Variants in MAP3K5 observed in about 807,000 individuals in gnomAD.
MAP3K5 encodes the protein ASK-1.
In MAP3K5, 56 loss-of-function variants were observed where a neutral mutation model predicts 158.7. The ratio of observed to expected loss-of-function variants is 0.35; its 90% CI spans 0.28 to 0.44. MAP3K5 has a LOEUF of 0.44. MAP3K5 is among the 20% of genes least tolerant of loss of function. The pLI, the probability that MAP3K5 is intolerant of heterozygous loss-of-function variation, is 1.00. For synonymous variants in MAP3K5, 579 were observed against 601.7 expected (o/e 0.96, Z 0.55); for missense variants, 1,294 against 1,674.8 (o/e 0.77, Z 3.97).
chr6:136,622,726 G>A (rs1776863456), intron 15 of MAP3K5, 122 bp downstream of exon 15: 2 of 1,053,026 alleles, frequency 1.9e-6, no homozygotes, highest in Non-Finnish European at 1.4e-6. Context: ...CTCAGAAGGA[G>A]CTAATTCACA....
chr6:136,749,175 C>A (rs1012170964), intron 1 of MAP3K5, among the ~76,000 whole-genome samples: 1 of 152,030 alleles, frequency 6.6e-6, no homozygotes, highest in African/African-American at 2.4e-5. Flanking sequence ...GAGTTCGAGA[C>A]CAGCCTGGCC....
At chr6:136,647,919 A>G (rs1230630614) in intron 11 of MAP3K5, 1 of 152,318 alleles carries the variant, frequency 6.6e-6, no homozygotes, top group East Asian at 1.9e-4. Context: ...CCCAAAGTCC[A>G]CAGAACTCAA....
At chr6:136,644,986 T>TG (rs1778177879) in intron 11 of MAP3K5, among the ~76,000 whole-genome samples, 1 of 152,084 alleles carries the variant, frequency 6.6e-6, no homozygotes, top group Non-Finnish European at 1.5e-5. Flanking sequence ...TGGAGTGTAG[T>TG]GGGGTAATCA....
At chr6:136,600,917 C>CA in intron 21 of MAP3K5, 105 bp downstream of exon 21, 1 of 1,182,014 alleles carries the variant, frequency 8.5e-7, no homozygotes. Flanking sequence ...CCTTTCCCCC[C>CA]ATGTAAGCCA....
chr6:136,715,848 T>G (rs772178680), intron 2 of MAP3K5, among the ~76,000 whole-genome samples: 1 of 151,624 alleles, frequency 6.6e-6, no homozygotes, highest in Admixed American at 6.6e-5. Flanking sequence ...CTGGCCAACA[T>G]GGCGAAACCC....
At chr6:136,595,347 C>T (rs569804499) in intron 21 of MAP3K5, among the ~76,000 whole-genome samples, 1 of 152,294 alleles carries the variant, frequency 6.6e-6, no homozygotes, top group African/African-American at 2.4e-5. Context: ...TCAAGTAATC[C>T]ACCTGCTTCG....
intron 1 of MAP3K5, among the ~76,000 whole-genome samples, chr6:136,788,255 T>C (rs1784927497): frequency 2.6e-5 from 4 of 152,216 alleles, no homozygotes; most frequent in Admixed American, 2.6e-4. Context: ...GACCCCTATC[T>C]ATCACCATAT....
At chr6:136,607,398 T>C (rs1291931775) in intron 18 of MAP3K5, among the ~76,000 whole-genome samples, 2 of 152,222 alleles carry the variant, frequency 1.3e-5, no homozygotes, top group Admixed American at 1.3e-4. Flanking sequence ...TGTTTAATTA[T>C]CCCCCACTGA....
chr6:136,695,271 G>A (rs1332181871), intron 6 of MAP3K5, among the ~76,000 whole-genome samples: 3 of 151,940 alleles, frequency 2.0e-5, no homozygotes, highest in South Asian at 4.2e-4. Flanking sequence ...CCGAGTAGCC[G>A]GAACTACAGG....
intron 25 of MAP3K5, among the ~76,000 whole-genome samples, chr6:136,572,108 C>G (rs775280998): frequency 6.6e-6 from 1 of 152,140 alleles, no homozygotes; most frequent in African/African-American, 2.4e-5. Flanking sequence ...AAGAGTATTC[C>G]TACTAGGGTT....
intron 15 of MAP3K5, 28 bp downstream of exon 15, chr6:136,622,820 C>T (rs1460337190): frequency 6.2e-7 from 1 of 1,607,210 alleles, no homozygotes; most frequent in East Asian, 2.2e-5. Flanking sequence ...TACTACAGAA[C>T]AGCTTTTAGT....
At chr6:136,689,339 A>G (rs562851175) in intron 7 of MAP3K5, among the ~76,000 whole-genome samples, 51 of 152,328 alleles carry the variant, frequency 3.3e-4, no homozygotes, top group South Asian at 1.4e-3. Context: ...GGTTAAGATA[A>G]ACTGTGAAAC....
intron 14 of MAP3K5, among the ~76,000 whole-genome samples, chr6:136,628,489 C>T (rs1250557946): frequency 1.3e-5 from 2 of 151,948 alleles, no homozygotes; most frequent in African/African-American, 2.4e-5. Context: ...GTGATCCTCC[C>T]AAATAGCTGG....
At chr6:136,771,453 T>A (rs1784196522) in intron 1 of MAP3K5, among the ~76,000 whole-genome samples, 1 of 152,090 alleles carries the variant, frequency 6.6e-6, no homozygotes. Flanking sequence ...CCATGTCAAT[T>A]TACTGTTGCC....
At chr6:136,642,030 A>AAAATAAAAATAAAATAAAATAAAAT (rs1491266433) in intron 12 of MAP3K5, among the ~76,000 whole-genome samples, 12 of 119,324 alleles carry the variant, frequency 1.0e-4, no homozygotes, top group South Asian at 5.4e-4. Flanking sequence ...AAAATAAAAT[A>AAAATAAAAATAAAATAAAATAAAAT]AAAATAAAAT....
chr6:136,609,837 A>G lies in MAP3K5; in HGVS notation c.2521+1445T>C, dbSNP rs1014325463. ...CAAAAAAACAGTTTTGCCAGGCATG[A>G]CATCCTAGATACTTAGGAGAGTGGG... is the stretch of plus-strand genomic sequence containing the variant. On this transcript the variant is annotated intron_variant, in intron 18 of 29. Coordinates refer to ENST00000359015, the MANE Select transcript of MAP3K5 (RefSeq NM_005923.4). The surrounding 1 kb of genome is among the most constrained non-coding windows in gnomAD (Gnocchi z 4.4). 6.7e-6 allele frequency among the ~76,000 whole-genome samples: 1 copy of G among 149,890 alleles called. No individual in the cohort carries two copies. The highest frequency in any genetic ancestry group is 2.5e-5 in the African/African-American group (1 of 40,604).
intron 14 of MAP3K5, among the ~76,000 whole-genome samples, chr6:136,633,108 C>T (rs1583307714): frequency 1.3e-5 from 2 of 152,166 alleles, no homozygotes; most frequent in East Asian, 3.9e-4. Context: ...TAAAGATCCT[C>T]TTGCTCTTGG....
intron 25 of MAP3K5, among the ~76,000 whole-genome samples, chr6:136,576,775 A>C (rs759579518): frequency 2.6e-5 from 4 of 152,226 alleles, no homozygotes; most frequent in African/African-American, 4.8e-5. Context: ...ATAACATTTC[A>C]GTCAAGGATG....
At chr6:136,714,371 G>C (rs963345181) in intron 2 of MAP3K5, among the ~76,000 whole-genome samples, 1 of 152,134 alleles carries the variant, frequency 6.6e-6, no homozygotes, top group Admixed American at 6.5e-5. Flanking sequence ...GCTTCAAATG[G>C]ATATGAATGA....
Sources: gnomAD v4.1 joint callset for allele counts (sites outside exome capture counted in the v4.1 genomes callset) on GRCh38, gnomAD v4.1.1 for gene constraint, Gnocchi (gnomAD v3.1) non-coding constraint, MANE v1.5 for transcripts, NCBI Gene and HGNC (gene_info 2026-07-23, HGNC 2026-07-21) for gene names.